Variants in ITGAD observed in about 807,000 individuals in gnomAD.
ITGAD encodes integrin alpha-D.
ITGAD carries 105 observed loss-of-function variants against 139.0 expected under a neutral mutation model. The observed-to-expected ratio is 0.76, with a 90% CI of 0.65 to 0.89. The LOEUF (loss-of-function observed/expected upper bound fraction) is 0.89, where lower values mean the gene tolerates loss of function less well. Among genes scored for constraint, ITGAD ranks in the 40% least tolerant of loss-of-function variants. The pLI, the probability that ITGAD is intolerant of heterozygous loss-of-function variation, is 0.00. For synonymous variants in ITGAD, 569 were observed against 598.3 expected, an observed-to-expected ratio of 0.95 and a Z score of 0.71; for missense variants, 1,384 against 1,487.3, an observed-to-expected ratio of 0.93 and a Z score of 1.14.
At chr16:31,421,846 G>C (rs1436735072) in intron 23 of ITGAD, among the ~76,000 whole-genome samples, 1 of 152,168 alleles carries the variant, frequency 6.6e-6, no homozygotes, top group Non-Finnish European at 1.5e-5. Flanking sequence ...CAGGCTGATG[G>C]GGGGTGGACT....
rs1319031242 is a variant in ITGAD at position 31,410,444 on chromosome 16, C to T, written c.1133C>T (p.Ala378Val). Residue 378 changes from alanine (A) to valine (V), a missense_variant, in exon 11 of 30, where the codon GCC becomes GTC. By Grantham distance (64) the Ala-to-Val change is moderately conservative (BLOSUM62 0). Transcript: ENST00000389202. ...AVGSFSWSGG[A>V]FLYPPNMSPT... ...GGGAGCTTTAGCTGGTCTGGAGGTG[C>T]CTTCCTGTATCCCCCAAATATGAGC... is the stretch of plus-strand genomic sequence containing the variant. The T allele has an allele frequency of 1.9e-6, 3 of 1,613,990 alleles. No homozygotes were observed. Among genetic ancestry groups the T allele is most frequent in the Non-Finnish European group, 1.7e-6 (2 of 1,179,976 alleles).
At chr16:31,408,341 C>A (rs1332869703) in intron 9 of ITGAD, 84 bp from the exon 10 acceptor site, 3 of 1,202,998 alleles carry the variant, frequency 2.5e-6, no homozygotes, top group Admixed American at 3.4e-5. Flanking sequence ...GAACCCAAGC[C>A]TCAGATCATG....
intron 2 of ITGAD, among the ~76,000 whole-genome samples, chr16:31,396,894 T>C (rs2081275535): frequency 6.6e-6 from 1 of 152,180 alleles, no homozygotes; most frequent in Admixed American, 6.5e-5. Flanking sequence ...TTTAAATTGG[T>C]CCAATGAATT....
At chr16:31,411,917 T>C (rs1018007253) in intron 14 of ITGAD, among the ~76,000 whole-genome samples, 3 of 152,236 alleles carry the variant, frequency 2.0e-5, no homozygotes, top group South Asian at 2.1e-4. Flanking sequence ...TGAAGGTTCA[T>C]GAGTGACCTG....
At chr16:31,399,098 C>T (rs985214933) in intron 5 of ITGAD, among the ~76,000 whole-genome samples, 6 of 152,126 alleles carry the variant, frequency 3.9e-5, no homozygotes, top group Non-Finnish European at 8.8e-5. Context: ...GGCCTGGGGA[C>T]ACCACCATGA....
chr16:31,425,891 G>A, intron 29 of ITGAD, 124 bp from the exon 30 acceptor site: 1 of 620,456 alleles, frequency 1.6e-6, no homozygotes, highest in Non-Finnish European at 2.9e-6. Flanking sequence ...ATGTTGGCCA[G>A]GCTGGTCTCC....
chr16:31,424,441 C>G (rs372276505), intron 28 of ITGAD, 26 bp from the exon 29 acceptor site: 2 of 1,580,116 alleles, frequency 1.3e-6, no homozygotes, highest in African/African-American at 1.3e-5. Context: ...GGCATGAGGC[C>G]GGATGCTCTC....
intron 7 of ITGAD, among the ~76,000 whole-genome samples, chr16:31,407,037 T>C (rs767793352): frequency 2.0e-5 from 3 of 152,162 alleles, no homozygotes; most frequent in Non-Finnish European, 4.4e-5. Context: ...ATTGATCTAA[T>C]TATGGTTTGT....
Position 31,423,128 on chromosome 16 carries a change from C to T in ITGAD, c.2795C>T (p.Thr932Ile), listed in dbSNP as rs754028712. Reference protein sequence around the residue: ...YTMISRQEESTKYFNFATSDE... With the variant: ...YTMISRQEESIKYFNFATSDE... Reference sequence around the variant, plus strand: ...TCTCTCTCCAGGCAGGAAGAATCCACCAAGTACTTCAACTTTGCAACCTCC... The same window carrying T: ...TCTCTCTCCAGGCAGGAAGAATCCATCAAGTACTTCAACTTTGCAACCTCC... Residue 932 changes from threonine (T) to isoleucine (I), a missense_variant, in exon 24 of 30, where the codon ACC becomes ATC. Physicochemically the swap from Thr to Ile is moderately conservative, Grantham distance 89. Coordinates refer to ENST00000389202, the MANE Select transcript of ITGAD (RefSeq NM_005353.3). 3 of 1,614,102 alleles carry T rather than the reference C, an allele frequency of 1.9e-6. No homozygotes were observed. Among genetic ancestry groups the T allele is most frequent in the Admixed American group, 1.7e-5 (1 of 60,020 alleles).
chr16:31,413,628 C>T (rs940886634), intron 16 of ITGAD, among the ~76,000 whole-genome samples: 5 of 152,202 alleles, frequency 3.3e-5, no homozygotes, highest in Admixed American at 6.5e-5. Flanking sequence ...CACTCCCCTG[C>T]GTAACCCGCC....
rs562686822 is a variant in ITGAD at position 31,403,815 on chromosome 16, G to A, written c.704+170G>A. 199 of 711,698 alleles carry A rather than the reference G, an allele frequency of 2.8e-4. No individual in the cohort carries two copies. Among genetic ancestry groups the A allele is most frequent in the Non-Finnish European group, 4.1e-4 (177 of 435,500 alleles). 44.1% of individuals were successfully genotyped at this position (711,698 alleles called of 1,614,324 possible). A position where few individuals can be genotyped will look rare whatever the true frequency, so the allele number is the denominator to read the frequency against. ...CCCCCGGGGTGCTCCTGGTTGCCTC[G>A]CTGCCAGTCTCCCTGATATAGGACT... On this transcript the variant is annotated intron_variant, in intron 7 of 29. Coordinates refer to ENST00000389202, the MANE Select transcript of ITGAD (RefSeq NM_005353.3). This position sits in a 1 kb window ranked among gnomAD's most constrained non-coding sequence, Gnocchi z 4.4.
chr16:31,398,443 A>C (rs903579477), intron 5 of ITGAD, among the ~76,000 whole-genome samples: 7 of 151,040 alleles, frequency 4.6e-5, no homozygotes, highest in Admixed American at 3.3e-4. Context: ...AAAAAAAAAA[A>C]CAAAAAACAG....
chr16:31,407,875 G>A lies in ITGAD; in HGVS notation c.968G>A (p.Ser323Asn), dbSNP rs2081580071. 1 of 1,599,020 alleles carries A rather than the reference G, an allele frequency of 6.3e-7. No individual in the cohort carries two copies. Among genetic ancestry groups the A allele is most frequent in the Non-Finnish European group, 8.6e-7 (1 of 1,167,452 alleles). Residue 323 changes from serine (S) to asparagine (N), a missense_variant, in exon 9 of 30, where the codon AGC (serine) becomes AAC (asparagine). By Grantham distance (46) the Ser-to-Asn change is conservative (BLOSUM62 1). Transcript: ENST00000389202. ...GTGGACAACTTTGCAGCCCTTGGCA[G>A]CATCCAGAAGCAGCTGCAGGAGAAG... ...FKVDNFAALG[S>N]IQKQLQEKIY...
intron 23 of ITGAD, among the ~76,000 whole-genome samples, chr16:31,419,537 G>A (rs763081247): frequency 2.6e-5 from 4 of 152,182 alleles, no homozygotes; most frequent in Non-Finnish European, 4.4e-5. Flanking sequence ...AAGGCCGGGC[G>A]CAGTGGCTCA....
intron 1 of ITGAD, 52 bp from the exon 2 acceptor site, chr16:31,394,184 G>A (rs893403249): frequency 2.6e-6 from 3 of 1,161,050 alleles, no homozygotes; most frequent in Admixed American, 3.5e-5. Context: ...GAGGTCCTAG[G>A]GATTGGGGCT....
At position 31,424,596 on chromosome 16, in the gene ITGAD, T is replaced by C; in HGVS notation, c.3372+19T>C. 7.0e-6 allele frequency: 9 copies of C among 1,290,318 alleles called. No homozygotes were observed. The highest frequency in any genetic ancestry group is 1.5e-5 in the African/African-American group (1 of 65,602). The allele number at this position is 1,290,318 out of a possible 1,614,324, so 79.9% of individuals were successfully genotyped here. On this transcript the variant is annotated intron_variant, in intron 29 of 29. Coordinates refer to ENST00000389202, the MANE Select transcript of ITGAD (RefSeq NM_005353.3). ...GTACAAGGCAAGTGTTTTATCCAAC[T>C]CTTTTTTTTTTTTTTTTGAGATGGA...
At chr16:31,408,039 T>C in intron 9 of ITGAD, 123 bp downstream of exon 9, 1 of 1,035,582 alleles carries the variant, frequency 9.7e-7, no homozygotes, top group Non-Finnish European at 1.4e-6. Flanking sequence ...TGGCACGATC[T>C]CGGCTCACTG....
intron 10 of ITGAD, among the ~76,000 whole-genome samples, chr16:31,409,572 C>T (rs1463192172): frequency 6.6e-6 from 1 of 151,900 alleles, no homozygotes. Flanking sequence ...CCTGTGGCTC[C>T]CTGAAGGAGC....
chr16:31,395,841 A>G (rs745418142), intron 2 of ITGAD, among the ~76,000 whole-genome samples: 66 of 152,186 alleles, frequency 4.3e-4, no homozygotes, highest in Admixed American at 1.0e-3. Flanking sequence ...TCAGTTGGTC[A>G]CGAGGAGCTA....
Sources: gnomAD v4.1 joint callset for allele counts (sites outside exome capture counted in the v4.1 genomes callset) on GRCh38, gnomAD v4.1.1 for gene constraint, Gnocchi (gnomAD v3.1) non-coding constraint, MANE v1.5 for transcripts, NCBI Gene and HGNC (gene_info 2026-07-23, HGNC 2026-07-21) for gene names.